Variants in XKR9 observed in about 807,000 individuals in gnomAD.
XKR9 encodes XK related 9, also known as XK-related protein 9.
In XKR9, 32 loss-of-function variants were observed where a neutral mutation model predicts 32.0. The ratio of observed to expected loss-of-function variants is 1.00; its 90% CI spans 0.76 to 1.34. XKR9 has a LOEUF of 1.34. XKR9 is among the 40% of genes most tolerant of loss of function. XKR9 has a pLI of 0.00. For synonymous variants in XKR9, 168 were observed against 143.4 expected (o/e 1.17, Z -1.22); for missense variants, 546 against 429.7 (o/e 1.27, Z -2.39).
the XKR9 span, among the ~76,000 whole-genome samples, chr8:70,983,431 G>A: frequency 6.6e-6 from 1 of 152,082 alleles, no homozygotes; most frequent in African/African-American, 2.4e-5. Context: ...ATGCAGGCTG[G>A]CACTGTGCTC....
the XKR9 span, among the ~76,000 whole-genome samples, chr8:70,919,395 T>G: frequency 1.3e-5 from 2 of 152,194 alleles, no homozygotes; most frequent in Admixed American, 1.3e-4. Context: ...GCTCTCCTAG[T>G]AACAGTTCTT....
chr8:70,983,920 A>T, the XKR9 span, among the ~76,000 whole-genome samples: 4 of 152,378 alleles, frequency 2.6e-5, no homozygotes, highest in East Asian at 7.7e-4. Context: ...ACTAGGCCAC[A>T]TGGCTATGGC....
the XKR9 span, among the ~76,000 whole-genome samples, chr8:70,797,880 G>A: frequency 6.6e-6 from 1 of 152,146 alleles, no homozygotes; most frequent in South Asian, 2.1e-4. Context: ...CAAAGGATAT[G>A]ATTTTGTTCT....
rs187488807 is a variant in XKR9, at chr8:70,765,254, G to T, written n.353-24085G>T. Among the ~76,000 whole-genome samples, 14 of 152,262 alleles carry T rather than the reference G, an allele frequency of 9.2e-5. No homozygotes were observed. In the East Asian group the frequency reaches 2.5e-3, roughly 27 times the overall value. On this transcript the variant is annotated intron_variant and non_coding_transcript_variant, in intron 2 of 3. Coordinates refer to the XKR9 transcript ENST00000520273. The stretch of plus-strand genomic sequence containing the variant: ...TTTCTCCACATCCTCTTCAGCATCT[G>T]CTGTTTCCTGAATTTTTAATGATCA...
chr8:70,672,965 C>G (rs905914353), intron 1 of XKR9, among the ~76,000 whole-genome samples: 3 of 152,044 alleles, frequency 2.0e-5, no homozygotes, highest in African/African-American at 7.3e-5. Flanking sequence ...GATATTAGTC[C>G]CTTGTCAGAT....
the XKR9 span, among the ~76,000 whole-genome samples, chr8:70,805,793 T>G: frequency 6.6e-6 from 1 of 152,200 alleles, no homozygotes; most frequent in African/African-American, 2.4e-5. Flanking sequence ...ACCTGCAGTC[T>G]TTGCAGAACA....
intron 4 of XKR9, among the ~76,000 whole-genome samples, chr8:70,727,446 G>T (rs1040273568): frequency 6.6e-6 from 1 of 151,818 alleles, no homozygotes; most frequent in Non-Finnish European, 1.5e-5. Flanking sequence ...TGTCACCCAG[G>T]CTGGAGTGCA....
chr8:71,065,758 G>T, the XKR9 span, among the ~76,000 whole-genome samples: 1 of 152,166 alleles, frequency 6.6e-6, no homozygotes, highest in Admixed American at 6.5e-5. Flanking sequence ...GGAAGCCTGT[G>T]GGGCATCTTA....
chr8:71,051,099 C>T, the XKR9 span, among the ~76,000 whole-genome samples: 1 of 151,574 alleles, frequency 6.6e-6, no homozygotes, highest in Non-Finnish European at 1.5e-5. Flanking sequence ...GAAATGACCC[C>T]AAGGCAAAGT....
chr8:70,805,548 C>CA, the XKR9 span, among the ~76,000 whole-genome samples: 1 of 152,206 alleles, frequency 6.6e-6, no homozygotes, highest in East Asian at 1.9e-4. Flanking sequence ...TCTATAGCTC[C>CA]AGGCTGTGCT....
At chr8:70,812,236 C>G in the XKR9 span, among the ~76,000 whole-genome samples, 3 of 152,164 alleles carry the variant, frequency 2.0e-5, no homozygotes, top group African/African-American at 7.2e-5. Context: ...TGACAAAATT[C>G]AACAACCCTT....
At chr8:70,738,598 T>C (rs1045368873), downstream of XKR9, among the ~76,000 whole-genome samples, 1 of 152,028 alleles carries the variant, frequency 6.6e-6, no homozygotes, top group Non-Finnish European at 1.5e-5. Flanking sequence ...CTTTCTCTTG[T>C]GGGCATTTAG....
At chr8:70,736,283 T>C (rs543949439), downstream of XKR9, among the ~76,000 whole-genome samples, 2 of 151,486 alleles carry the variant, frequency 1.3e-5, no homozygotes, top group East Asian at 3.9e-4. Flanking sequence ...GAAGTGTCTG[T>C]TCATGTCCTT....
At chr8:70,942,528 T>C in the XKR9 span, among the ~76,000 whole-genome samples, 3 of 152,134 alleles carry the variant, frequency 2.0e-5, no homozygotes, top group South Asian at 2.1e-4. Flanking sequence ...AAGTGATAGA[T>C]TGTTGCAGTC....
At chr8:70,786,319 TG>T (rs1807688198) in intron 2 of XKR9, among the ~76,000 whole-genome samples, 1 of 152,162 alleles carries the variant, frequency 6.6e-6, no homozygotes, top group Non-Finnish European at 1.5e-5. Flanking sequence ...TCAAGTTTAA[TG>T]TTTCCTTATT....
chr8:70,808,473 G>A, the XKR9 span, among the ~76,000 whole-genome samples: 3 of 152,202 alleles, frequency 2.0e-5, no homozygotes, highest in Non-Finnish European at 4.4e-5. Context: ...GCAGTGCAAC[G>A]AGCATGAGCT....
chr8:70,672,352 G>C (rs1455936262), intron 1 of XKR9, among the ~76,000 whole-genome samples: 1 of 145,286 alleles, frequency 6.9e-6, no homozygotes, highest in Admixed American at 6.9e-5. Context: ...AAACAGCATG[G>C]TACTGGTACC....
At chr8:71,026,652 A>G in the XKR9 span, among the ~76,000 whole-genome samples, 3 of 152,218 alleles carry the variant, frequency 2.0e-5, no homozygotes, top group African/African-American at 4.8e-5. Flanking sequence ...CAAATAAACA[A>G]TTATACAAGC....
At chr8:71,010,290 A>T in the XKR9 span, among the ~76,000 whole-genome samples, 1 of 152,206 alleles carries the variant, frequency 6.6e-6, no homozygotes, top group Non-Finnish European at 1.5e-5. Flanking sequence ...TCACCTGAGC[A>T]ATTCCACCTT....
Sources: gnomAD v4.1 joint callset for allele counts (sites outside exome capture counted in the v4.1 genomes callset) on GRCh38, gnomAD v4.1.1 for gene constraint, MANE v1.5 for transcripts, NCBI Gene and HGNC (gene_info 2026-07-23, HGNC 2026-07-21) for gene names.